The following ANKRD22 variants were observed in gnomAD, a reference collection of about 807,000 sequenced individuals.
ANKRD22 encodes the protein ankyrin repeat domain 22, also known as ankyrin repeat domain-containing protein 22.
In ANKRD22, 24 loss-of-function variants were observed where a neutral mutation model predicts 25.7. The observed-to-expected ratio is 0.93, with a 90% CI of 0.68 to 1.31. ANKRD22 has a LOEUF of 1.31. ANKRD22 is among the 50% of genes most tolerant of loss of function. The probability of loss-of-function intolerance (pLI) is 0.00; values close to 1 mark genes in which losing one functional copy is unlikely to be tolerated. For missense variants in ANKRD22, 214 were observed against 227.1 expected (o/e 0.94, Z 0.37); for synonymous variants, 84 against 84.3 (o/e 1.00, Z 0.02).
At chr10:88,833,663 C>T (rs1272332806) in intron 1 of ANKRD22, among the ~76,000 whole-genome samples, 1 of 152,170 alleles carries the variant, frequency 6.6e-6, no homozygotes, top group Non-Finnish European at 1.5e-5. Flanking sequence ...AACATCCTAA[C>T]AGAAAATTAA....
intron 3 of ANKRD22, 49 bp from the exon 4 acceptor site, chr10:88,826,164 C>A: frequency 6.9e-7 from 1 of 1,444,942 alleles, no homozygotes; most frequent in South Asian, 1.2e-5. Context: ...AATAGTTTCT[C>A]CAATTTATGC....
intron 2 of ANKRD22, 79 bp from the exon 3 acceptor site, chr10:88,828,745 T>C: frequency 9.2e-7 from 1 of 1,092,110 alleles, no homozygotes; most frequent in South Asian, 1.4e-5. Flanking sequence ...TCAAAAAGTT[T>C]AGTTTGTGCT....
rs149109762 is a variant in ANKRD22, at chr10:88,842,208, TC to T, written c.21+9378del. 6.8e-3 allele frequency among the ~76,000 whole-genome samples: 1,035 copies of T among 152,294 alleles called. 8 individuals carry two copies. Among genetic ancestry groups the T allele is most frequent in the Middle Eastern group, 0.031 (9 of 294 alleles). On this transcript the variant is annotated intron_variant, in intron 1 of 5. Transcript: ENST00000371930. ...TAATAATACCTACTATATACTGAAC[TC>T]TTTTTATATACCATCTGTAATGCTA...
chr10:88,828,260 T>A (rs1843873082), intron 3 of ANKRD22, among the ~76,000 whole-genome samples: 1 of 152,194 alleles, frequency 6.6e-6, no homozygotes. Flanking sequence ...GAAGGGGTGT[T>A]TTTTAATATT....
chr10:88,851,641 G>C lies in ANKRD22; in HGVS notation c.-34C>G. On this transcript the variant is annotated 5_prime_UTR_variant, in exon 1 of 6. Coordinates refer to ENST00000371930, the MANE Select transcript of ANKRD22 (RefSeq NM_144590.3). ...TTCACAGGCTTACTTCACCTCTACAGCTCCTTGAATCTTCTGGAGGTATTT... is the reference window on the plus strand; with the variant it reads ...TTCACAGGCTTACTTCACCTCTACACCTCCTTGAATCTTCTGGAGGTATTT... The C allele has an allele frequency of 6.2e-7, 1 of 1,611,762 alleles. No individual in the cohort carries two copies. The highest frequency in any genetic ancestry group is 8.5e-7 in the Non-Finnish European group (1 of 1,178,212).
rs770120889 is a variant in ANKRD22 at position 88,831,829 on chromosome 10, C to G, written c.213+6G>C. ...ATTACACTCTCCATTCATGTCATGA[C>G]CTCACCTGGTTTTTGAGGTTGACAT... On this transcript the variant is annotated splice_donor_region_variant and intron_variant, in intron 2 of 5. Transcript: ENST00000371930. The G allele has an allele frequency of 1.2e-6, 2 of 1,601,638 alleles. No individual in the cohort carries two copies. The highest frequency in any genetic ancestry group is 4.5e-5 in the East Asian group (2 of 44,654).
At chr10:88,836,704 T>C (rs75964965) in intron 1 of ANKRD22, among the ~76,000 whole-genome samples, 521 of 152,344 alleles carry the variant, frequency 3.4e-3, no homozygotes, top group African/African-American at 0.012. Context: ...TCTGTCCACT[T>C]GTGGCACTGA....
intron 4 of ANKRD22, among the ~76,000 whole-genome samples, chr10:88,823,672 C>A (rs918999441): frequency 4.7e-5 from 7 of 150,314 alleles, no homozygotes; most frequent in African/African-American, 1.7e-4. Context: ...CTAAAAGATA[C>A]AAAAAATTAG....
chr10:88,851,741 T>C lies in ANKRD22; in HGVS notation c.-134A>G. On this transcript the variant is annotated 5_prime_UTR_variant, in exon 1 of 6. Transcript: ENST00000371930. ...CCAAGCTGGTGGCAAGCTCCAGGAG[T>C]GCTTTTCTAGCAAACACCTGTCAGT... The C allele has an allele frequency of 2.0e-6, 2 of 986,328 alleles. No homozygotes were observed. The highest frequency in any genetic ancestry group is 3.2e-6 in the Non-Finnish European group (2 of 630,936). 61.1% of individuals were successfully genotyped at this position (986,328 alleles called of 1,614,324 possible).
Position 88,821,315 on chromosome 10 carries a change from T to C in ANKRD22, c.*1626A>G, listed in dbSNP as rs1843791271. On this transcript the variant is annotated 3_prime_UTR_variant, in exon 6 of 6. Coordinates refer to ENST00000371930, the MANE Select transcript of ANKRD22 (RefSeq NM_144590.3). Reference sequence around the variant, plus strand: ...TGTCATATACTTTATCCTTTAATCTTGACAAAGTTAATGTCAGACAGTCTC... The same window carrying C: ...TGTCATATACTTTATCCTTTAATCTCGACAAAGTTAATGTCAGACAGTCTC... Among the ~76,000 whole-genome samples, 1 of 152,236 alleles carries C rather than the reference T, an allele frequency of 6.6e-6. No homozygotes were observed. The highest frequency in any genetic ancestry group is 1.5e-5 in the Non-Finnish European group (1 of 68,030).
At chr10:88,847,902 T>C (rs1173061849) in intron 1 of ANKRD22, among the ~76,000 whole-genome samples, 1 of 151,982 alleles carries the variant, frequency 6.6e-6, no homozygotes, top group East Asian at 1.9e-4. Flanking sequence ...CTTTGTGGAC[T>C]TGCTTTCATG....
chr10:88,820,421 C>G lies in ANKRD22; in HGVS notation c.*2520G>C, dbSNP rs532626102. ...CATCTGGGGTTTGGATGCTCCTCAC[C>G]GTATGTACAATGAAATCATCCATCT... On this transcript the variant is annotated 3_prime_UTR_variant, in exon 6 of 6. Coordinates refer to ENST00000371930, the MANE Select transcript of ANKRD22 (RefSeq NM_144590.3). 6.4e-7 allele frequency: 1 copy of G among 1,552,078 alleles called. No homozygotes were observed. Among genetic ancestry groups the G allele is most frequent in the Non-Finnish European group, 8.7e-7 (1 of 1,147,052 alleles).
chr10:88,833,824 G>A (rs1843928743), intron 1 of ANKRD22, among the ~76,000 whole-genome samples: 2 of 152,158 alleles, frequency 1.3e-5, no homozygotes, highest in South Asian at 4.1e-4. Context: ...CAACAGTTGG[G>A]CACTTCAGTG....
At chr10:88,840,423 A>G (rs1454758459) in intron 1 of ANKRD22, among the ~76,000 whole-genome samples, 2 of 152,210 alleles carry the variant, frequency 1.3e-5, no homozygotes, top group Non-Finnish European at 2.9e-5. Context: ...AACTTGTACC[A>G]CTATGGATGT....
At chr10:88,833,197 C>G (rs2133074554) in intron 1 of ANKRD22, among the ~76,000 whole-genome samples, 1 of 152,250 alleles carries the variant, frequency 6.6e-6, no homozygotes, top group East Asian at 1.9e-4. Flanking sequence ...CTCCAGCATT[C>G]AACACAGCAC....
intron 3 of ANKRD22, among the ~76,000 whole-genome samples, chr10:88,828,169 G>A (rs1002454326): frequency 5.1e-4 from 78 of 152,112 alleles, no homozygotes; most frequent in Non-Finnish European, 5.7e-4. Context: ...ACCACCAGAG[G>A]AGTACTTAAA....
chr10:88,824,078 A>G (rs978914767), intron 4 of ANKRD22, among the ~76,000 whole-genome samples: 4 of 152,138 alleles, frequency 2.6e-5, no homozygotes, highest in African/African-American at 7.2e-5. Context: ...ATTATCCTCT[A>G]TGGTTTTGGT....
intron 1 of ANKRD22, among the ~76,000 whole-genome samples, chr10:88,851,263 T>C (rs1385218590): frequency 2.6e-5 from 4 of 152,152 alleles, no homozygotes; most frequent in African/African-American, 9.7e-5. Flanking sequence ...TCTTTTTCTC[T>C]GAGTGTTTGT....
chr10:88,823,948 A>C (rs185829646), intron 4 of ANKRD22, among the ~76,000 whole-genome samples: 124 of 152,348 alleles, frequency 8.1e-4, no homozygotes, highest in South Asian at 3.3e-3. Context: ...CAACTTAAAA[A>C]AGCTGATGCT....
Sources: gnomAD v4.1 joint callset for allele counts (sites outside exome capture counted in the v4.1 genomes callset) on GRCh38, gnomAD v4.1.1 for gene constraint, MANE v1.5 for transcripts, NCBI Gene and HGNC (gene_info 2026-07-23, HGNC 2026-07-21) for gene names.